Variants in NUP188 observed in about 807,000 individuals in gnomAD.
The protein encoded by NUP188 is nucleoporin 188.
In NUP188, 97 loss-of-function variants were observed where a neutral mutation model predicts 223.0. The observed-to-expected ratio is 0.43, with a 90% CI of 0.37 to 0.51. The LOEUF is 0.51. NUP188 is among the 20% of genes least tolerant of loss of function. The pLI, the probability that NUP188 is intolerant of heterozygous loss-of-function variation, is 0.00. For synonymous variants in NUP188, 869 were observed against 828.0 expected (o/e 1.05, Z -0.85); for missense variants, 1,947 against 2,175.6 (o/e 0.89, Z 2.09).
At chr9:129,005,028 G>GA in intron 38 of NUP188, 119 bp from the exon 39 acceptor site, 1 of 721,004 alleles carries the variant, frequency 1.4e-6, no homozygotes, top group Non-Finnish European at 2.5e-6. Flanking sequence ...AGGAGGGAGA[G>GA]AAGAGCAGCA....
chr9:129,006,620 A>G lies in NUP188; in HGVS notation c.5192A>G (p.Glu1731Gly). Reference protein sequence around the residue: ...KSTSLSKASPESQEPLIQLVQ... With the variant: ...KSTSLSKASPGSQEPLIQLVQ... ...ACCTCTCTCTCCAAAGCCAGCCCTG[A>G]GAGTCAGGAGCCTCTGATCCAGTTG... The change falls in exon 44 of 44, where the codon GAG becomes GGG. Residue 1731 changes from glutamate to glycine, a missense_variant. Coordinates refer to ENST00000372577, the MANE Select transcript of NUP188 (RefSeq NM_015354.3). 1 of 1,614,178 alleles carries G rather than the reference A, an allele frequency of 6.2e-7. No homozygotes were observed. The highest frequency in any genetic ancestry group is 1.3e-5 in the African/African-American group (1 of 75,046).
At position 128,987,454 on chromosome 9, in the gene NUP188, G is replaced by T. The variant is rs147162138; in HGVS notation, c.2265-135G>T. The T allele has an allele frequency of 2.8e-3, 1,968 of 692,072 alleles. 6 individuals carry two copies. The highest frequency in any genetic ancestry group is 3.9e-3 in the Non-Finnish European group (1,678 of 427,552). 42.9% of individuals were successfully genotyped at this position (692,072 alleles called of 1,614,324 possible). ...TCTGTTTCAGGAAAGTGATCAGAGT[G>T]CCTTCAGCTTGCAGAGAGCTGGTCT... On this transcript the variant is annotated intron_variant, in intron 22 of 43. Coordinates refer to ENST00000372577, the MANE Select transcript of NUP188 (RefSeq NM_015354.3).
intron 8 of NUP188, among the ~76,000 whole-genome samples, chr9:128,967,277 T>G (rs531974879): frequency 6.6e-6 from 1 of 152,296 alleles, no homozygotes; most frequent in South Asian, 2.1e-4. Flanking sequence ...CCCAAAGTAT[T>G]CAAGTATTAG....
At chr9:129,001,487 C>CTCT in intron 34 of NUP188, 42 bp from the exon 35 acceptor site, 1 of 1,590,346 alleles carries the variant, frequency 6.3e-7, no homozygotes, top group Non-Finnish European at 8.6e-7. Context: ...CTTCCTCCTC[C>CTCT]TCTTCTTCTT....
chr9:128,960,029 A>G (rs1032457704), intron 8 of NUP188, among the ~76,000 whole-genome samples: 2 of 150,176 alleles, frequency 1.3e-5, no homozygotes, highest in African/African-American at 4.9e-5. Flanking sequence ...TTTTCTGCTC[A>G]ATGTGTAACA....
Position 128,982,884 on chromosome 9 carries a change from G to A in NUP188, c.1670-18G>A. 6.2e-7 allele frequency: 1 copy of A among 1,614,052 alleles called. No homozygotes were observed. On this transcript the variant is annotated intron_variant, in intron 16 of 43. Coordinates refer to ENST00000372577, the MANE Select transcript of NUP188 (RefSeq NM_015354.3). ...AGGGGTTGTTTGCCGTGAGGTCACA[G>A]GCTGTCTTTCTTCTCAGATGTGATT...
chr9:128,996,206 G>C (rs1301794184), intron 30 of NUP188, among the ~76,000 whole-genome samples: 1 of 151,574 alleles, frequency 6.6e-6, no homozygotes, highest in Non-Finnish European at 1.5e-5. Flanking sequence ...CTGGAATGCA[G>C]TGGTGCGATC....
intron 30 of NUP188, 107 bp from the exon 31 acceptor site, chr9:128,998,044 G>C (rs996729184): frequency 1.2e-6 from 1 of 804,050 alleles, no homozygotes; most frequent in Non-Finnish European, 2.2e-6. Flanking sequence ...TTAAATCAGG[G>C]AGACTGTTTT....
Position 128,958,811 on chromosome 9 carries a change from T to G in NUP188, c.382T>G (p.Tyr128Asp), listed in dbSNP as rs540198358. The G allele has an allele frequency of 1.2e-5, 19 of 1,577,086 alleles. No individual in the cohort carries two copies. The highest frequency in any genetic ancestry group is 1.6e-5 in the Non-Finnish European group (18 of 1,158,704). ...ATTTTGGGTTCCTCAGATTGCAGAT[T>G]ATTATTATGAAGAAAGAACCTGTAT... ...SQALILKIAD[Y>D]YYEERTCILR... The change falls in exon 7 of 44, where the codon TAT becomes GAT. Residue 128 changes from tyrosine to aspartate, a missense_variant. By Grantham distance (160) the Tyr-to-Asp change is radical. Coordinates refer to ENST00000372577, the MANE Select transcript of NUP188 (RefSeq NM_015354.3).
intron 12 of NUP188, among the ~76,000 whole-genome samples, chr9:128,978,556 CAAA>C (rs57813508): frequency 1.9e-3 from 130 of 67,572 alleles, no homozygotes; most frequent in African/African-American, 5.2e-3. Context: ...GAGTGAGACT[CAAA>C]AAAAAAAAAA....
intron 8 of NUP188, chr9:128,964,309 G>T: frequency 2.7e-6 from 1 of 364,330 alleles, no homozygotes; most frequent in South Asian, 2.2e-5. Context: ...TTACCAGATA[G>T]ATGTTTTACA....
chr9:128,970,074 C>T (rs1175360385), intron 10 of NUP188, among the ~76,000 whole-genome samples: 1 of 152,130 alleles, frequency 6.6e-6, no homozygotes, highest in East Asian at 1.9e-4. Flanking sequence ...ATTACAGGCA[C>T]ATGCCACCAC....
At position 128,987,585 on chromosome 9, in the gene NUP188, C is replaced by A; in HGVS notation, c.2265-4C>A. On this transcript the variant is annotated splice_polypyrimidine_tract_variant and splice_region_variant and intron_variant, in intron 22 of 43. Transcript: ENST00000372577. ...TGGTAACTCAGAATACCTCTGTCTT[C>A]CAGTCATACTCCCAGCCTGCAGTTT... is the stretch of plus-strand genomic sequence containing the variant. The A allele has an allele frequency of 6.2e-7, 1 of 1,610,508 alleles. No individual in the cohort carries two copies. The highest frequency in any genetic ancestry group is 8.5e-7 in the Non-Finnish European group (1 of 1,178,404).
intron 10 of NUP188, 100 bp downstream of exon 10, chr9:128,969,614 C>T (rs1288069168): frequency 2.9e-5 from 19 of 658,564 alleles, no homozygotes; most frequent in Non-Finnish European, 4.4e-5. Context: ...TGTGGAACTA[C>T]ATTGTTCAGT....
chr9:128,997,375 C>G (rs1419082071), intron 30 of NUP188, among the ~76,000 whole-genome samples: 3 of 152,122 alleles, frequency 2.0e-5, no homozygotes, highest in Non-Finnish European at 4.4e-5. Flanking sequence ...CACTGGGAAG[C>G]CTTTCAAGGA....
At chr9:128,995,235 T>C (rs1842501800) in intron 29 of NUP188, 84 bp from the exon 30 acceptor site, 1 of 1,174,936 alleles carries the variant, frequency 8.5e-7, no homozygotes, top group Non-Finnish European at 1.3e-6. Flanking sequence ...CAAGGTCGTT[T>C]TCTCTGCCTC....
chr9:128,987,076 AGAGAGAGAGAGAGTGTGTGT>A (rs1484361567), intron 22 of NUP188, among the ~76,000 whole-genome samples: 1 of 130,138 alleles, frequency 7.7e-6, no homozygotes, highest in Non-Finnish European at 1.6e-5. Flanking sequence ...AGAGAGAGAG[AGAGAGAGAGAGAGTGTGTGT>A]GTGTGTGTGT....
At chr9:128,966,209 A>G (rs1344494992) in intron 8 of NUP188, among the ~76,000 whole-genome samples, 2 of 135,832 alleles carry the variant, frequency 1.5e-5, no homozygotes, top group Non-Finnish European at 1.6e-5. Flanking sequence ...ATATATGTAT[A>G]TGTTTTTTCT....
chr9:128,987,776 T>G, intron 23 of NUP188, 59 bp downstream of exon 23: 7 of 1,580,926 alleles, frequency 4.4e-6, no homozygotes, highest in Non-Finnish European at 6.0e-6. Context: ...ATGTTACTAA[T>G]AACTCCAGTT....
Sources: allele counts gnomAD v4.1 joint callset (sites outside exome capture counted in the v4.1 genomes callset), GRCh38; gene constraint gnomAD v4.1.1; transcripts MANE v1.5; gene names NCBI Gene and HGNC (gene_info 2026-07-23, HGNC 2026-07-21).